Variants in TSHR observed in about 807,000 individuals in gnomAD.
TSHR encodes thyroid stimulating hormone receptor, also known as thyrotropin receptor.
TSHR carries 51 observed loss-of-function variants against 64.1 expected under a neutral mutation model. That is an observed-to-expected ratio of 0.80 (90% CI 0.64 to 1.01). The LOEUF (loss-of-function observed/expected upper bound fraction) is 1.01. Ranked by LOEUF, TSHR falls within the 50% of genes least tolerant of loss-of-function variation. The pLI is 0.00. For missense variants in TSHR, 877 were observed against 942.8 expected, an observed-to-expected ratio of 0.93 and a Z score of 0.91; for synonymous variants, 361 against 361.9, an observed-to-expected ratio of 1.00 and a Z score of 0.03.
At chr14:81,030,102 G>A (rs1359436467) in intron 1 of TSHR, among the ~76,000 whole-genome samples, 1 of 152,172 alleles carries the variant, frequency 6.6e-6, no homozygotes, top group Non-Finnish European at 1.5e-5. Flanking sequence ...ATTTATTGCA[G>A]CACAGAAGAG....
intron 1 of TSHR, among the ~76,000 whole-genome samples, chr14:81,011,324 AATAG>A (rs1889893920): frequency 6.6e-6 from 1 of 152,108 alleles, no homozygotes; most frequent in African/African-American, 2.4e-5. Flanking sequence ...GGACAGGGAA[AATAG>A]ATAGACAAAA....
intron 1 of TSHR, among the ~76,000 whole-genome samples, chr14:81,029,085 CAT>C (rs1205480084): frequency 1.3e-5 from 2 of 151,784 alleles, no homozygotes; most frequent in African/African-American, 4.8e-5. Flanking sequence ...CCAAAACTGA[CAT>C]ATGAAGAAAT....
Position 80,955,853 on chromosome 14 carries a change from G to T in TSHR, c.170+3G>T. The T allele has an allele frequency of 6.2e-7, 1 of 1,614,162 alleles. No homozygotes were observed. The highest frequency in any genetic ancestry group is 1.3e-5 in the African/African-American group (1 of 75,066). ...TTACCGCCCAGTACGCAGACTCTGT[G>T]AGTACCCGGGAGAGATCAGGGTAGG... is the stretch of plus-strand genomic sequence containing the variant. On this transcript the variant is annotated splice_donor_region_variant and intron_variant, in intron 1 of 9. Coordinates refer to ENST00000298171, the MANE Select transcript of TSHR (RefSeq NM_000369.5).
Position 81,092,588 on chromosome 14 carries a change from A to G in TSHR, c.525A>G (p.Leu175=). 1.2e-6 allele frequency: 2 copies of G among 1,614,088 alleles called. No individual in the cohort carries two copies. The highest frequency in any genetic ancestry group is 1.7e-6 in the Non-Finnish European group (2 of 1,179,966). ...TCCCTGTGAATGCTTTTCAGGGACT[A>G]TGCAATGAAACCTTGACACTGTGAG... The part of the protein sequence containing the change: ...TSIPVNAFQG[L]CNETLTLKLY... Residue 175 remains leucine (L), a synonymous_variant, in exon 6 of 10, where the codon CTA becomes CTG. Coordinates refer to ENST00000298171, the MANE Select transcript of TSHR (RefSeq NM_000369.5).
intron 2 of TSHR, among the ~76,000 whole-genome samples, chr14:81,065,449 A>G (rs1886542588): frequency 6.6e-6 from 1 of 152,146 alleles, no homozygotes; most frequent in Admixed American, 6.5e-5. Context: ...AGAGTTAGAA[A>G]TTTGATGAGA....
intron 1 of TSHR, among the ~76,000 whole-genome samples, chr14:80,966,694 T>C (rs179248): frequency 0.41 from 61,704 of 152,004 alleles, 14,194 homozygotes; most frequent in South Asian, 0.59. Context: ...ATACTGGAAG[T>C]TGCATTTTAA....
chr14:81,060,153 T>A (rs1886127516), intron 1 of TSHR, among the ~76,000 whole-genome samples: 1 of 152,158 alleles, frequency 6.6e-6, no homozygotes, highest in South Asian at 2.1e-4. Context: ...TACAGTTTAG[T>A]CCCATATTAC....
chr14:80,981,713 T>C (rs1387461795), intron 1 of TSHR, among the ~76,000 whole-genome samples: 1 of 152,092 alleles, frequency 6.6e-6, no homozygotes, highest in Non-Finnish European at 1.5e-5. Flanking sequence ...CTGGTAGCTG[T>C]GGTGGCTTTG....
At chr14:81,022,957 C>A (rs1249270599) in intron 1 of TSHR, among the ~76,000 whole-genome samples, 1 of 152,172 alleles carries the variant, frequency 6.6e-6, no homozygotes, top group African/African-American at 2.4e-5. Context: ...CTTCTGCCAT[C>A]TAAGGACACA....
intron 9 of TSHR, among the ~76,000 whole-genome samples, 174 bp from the exon 10 acceptor site, chr14:81,142,766 T>C (rs947990512): frequency 1.3e-5 from 2 of 151,850 alleles, no homozygotes; most frequent in Non-Finnish European, 2.9e-5. Context: ...CATACCACCA[T>C]GCCCAGCCAA....
chr14:81,124,760 TTG>T (rs1890948926), intron 8 of TSHR, among the ~76,000 whole-genome samples: 1 of 152,188 alleles, frequency 6.6e-6, no homozygotes, highest in Non-Finnish European at 1.5e-5. Flanking sequence ...TGGTTTTAAT[TTG>T]TGTTTCCCTG....
intron 8 of TSHR, among the ~76,000 whole-genome samples, chr14:81,139,024 A>G (rs184961537): frequency 5.5e-4 from 84 of 152,040 alleles, no homozygotes; most frequent in African/African-American, 1.9e-3. Flanking sequence ...CACCCCCCTC[A>G]CCCCATTGTT....
chr14:81,064,928 T>C (rs1886501998), intron 2 of TSHR, among the ~76,000 whole-genome samples: 1 of 152,166 alleles, frequency 6.6e-6, no homozygotes, highest in Admixed American at 6.5e-5. Context: ...AGGAAGATGG[T>C]CACTTTTTAC....
intron 8 of TSHR, among the ~76,000 whole-genome samples, chr14:81,125,666 C>A (rs1336483869): frequency 3.3e-5 from 5 of 152,062 alleles, no homozygotes; most frequent in Admixed American, 1.3e-4. Context: ...TGGTGCAGCT[C>A]CCTTGGAGAA....
At chr14:81,093,155 C>G (rs1888889990) in intron 6 of TSHR, among the ~76,000 whole-genome samples, 1 of 152,186 alleles carries the variant, frequency 6.6e-6, no homozygotes, top group South Asian at 2.1e-4. Flanking sequence ...AAATTCTGCA[C>G]TCACACTTTT....
intron 2 of TSHR, 137 bp from the exon 3 acceptor site, chr14:81,068,117 T>C: frequency 4.1e-6 from 3 of 730,004 alleles, no homozygotes; most frequent in South Asian, 3.3e-5. Context: ...TTTAACATAA[T>C]TTGGCAGAAT....
Position 81,144,456 on chromosome 14 carries a change from C to T in TSHR, c.*103C>T. On this transcript the variant is annotated 3_prime_UTR_variant, in exon 10 of 10. Transcript: ENST00000298171. ...CACCCCCAACACATAGCTGCCCTCA[C>T]TCTTGTGCAGGCGATGTTTCAATGT... 1.7e-6 allele frequency: 2 copies of T among 1,189,038 alleles called. No individual in the cohort carries two copies. Among genetic ancestry groups the T allele is most frequent in the Middle Eastern group, 2.3e-4 (1 of 4,434 alleles). 73.7% of individuals were successfully genotyped at this position (1,189,038 alleles called of 1,614,324 possible). A position where few individuals can be genotyped will look rare whatever the true frequency, so the allele number is the denominator to read the frequency against.
rs377378600 is a variant in TSHR at position 81,143,875 on chromosome 14, T to C, written c.1817T>C (p.Ile606Thr). Residue 606 changes from isoleucine (I) to threonine (T), a missense_variant, in exon 10 of 10, where the codon ATC (isoleucine) becomes ACC (threonine). Ile to Thr is a moderately conservative substitution (Grantham distance 89, BLOSUM62 -1). Coordinates refer to ENST00000298171, the MANE Select transcript of TSHR (RefSeq NM_000369.5). ...TGCTGCTGTTATGTGAAGATCTACATCACAGTCCGAAATCCGCAGTACAAC... is the reference window on the plus strand; with the variant it reads ...TGCTGCTGTTATGTGAAGATCTACACCACAGTCCGAAATCCGCAGTACAAC... ...IVCCCYVKIY[I>T]TVRNPQYNPG... 5.0e-6 allele frequency: 8 copies of C among 1,613,604 alleles called. No homozygotes were observed. In the African/African-American group the frequency reaches 1.1e-4, roughly 22 times the overall value.
chr14:81,053,067 G>T (rs1595006644), intron 1 of TSHR: 1 of 152,278 alleles, frequency 6.6e-6, no homozygotes, highest in Admixed American at 6.5e-5. Flanking sequence ...CAAAGGTATA[G>T]TATCAGTCAA....
Sources: allele counts gnomAD v4.1 joint callset (sites outside exome capture counted in the v4.1 genomes callset), GRCh38; gene constraint gnomAD v4.1.1; transcripts MANE v1.5; gene names NCBI Gene and HGNC (gene_info 2026-07-23, HGNC 2026-07-21).